The following LMBRD2 variants were observed in gnomAD, a reference collection of about 807,000 sequenced individuals.
LMBRD2 encodes G protein-coupled receptor-associated protein LMBRD2.
Under a neutral mutation model 94.4 loss-of-function variants are expected in LMBRD2, and 55 were observed. The observed-to-expected ratio is 0.58, with a 90% CI of 0.47 to 0.73. LMBRD2 has a LOEUF of 0.73. Ranked by LOEUF, LMBRD2 falls within the 30% of genes least tolerant of loss-of-function variation. The pLI is 0.00. For missense variants in LMBRD2, 640 were observed against 831.9 expected (o/e 0.77, Z 2.84); for synonymous variants, 246 against 272.4 (o/e 0.90, Z 0.95).
chr5:36,149,841 A>C (rs1370713154), intron 1 of LMBRD2, among the ~76,000 whole-genome samples: 2 of 152,192 alleles, frequency 1.3e-5, no homozygotes, highest in African/African-American at 4.8e-5. Context: ...TGGGAGGTGG[A>C]GGTTATGGTG....
At chr5:36,109,916 C>A in intron 15 of LMBRD2, 29 bp downstream of exon 15, 2 of 1,492,080 alleles carry the variant, frequency 1.3e-6, no homozygotes, top group Non-Finnish European at 9.2e-7. Flanking sequence ...AATTAATCTT[C>A]AGATTACAGA....
rs2432206 is a variant in LMBRD2 at position 36,130,051 on chromosome 5, C to T, written c.748-5786G>A. Among the ~76,000 whole-genome samples the T allele has an allele frequency of 3.6e-4, 55 of 151,624 alleles. 1 individual carries two copies. In the South Asian group the frequency reaches 8.7e-3, roughly 24 times the overall value. On this transcript the variant is annotated intron_variant, in intron 6 of 17. Transcript: ENST00000296603. ...AGGGTCTGTTGTAGGGTGGCGGGAG[C>T]GGGGAGGGATAGCATTAGGAGATAT...
chr5:36,120,808 G>A (rs1335816643), intron 9 of LMBRD2, among the ~76,000 whole-genome samples: 1 of 151,992 alleles, frequency 6.6e-6, no homozygotes, highest in East Asian at 1.9e-4. Flanking sequence ...CTTAATCTAT[G>A]TGCAACATTT....
intron 13 of LMBRD2, among the ~76,000 whole-genome samples, chr5:36,112,179 T>G (rs1460801427): frequency 6.6e-6 from 1 of 152,208 alleles, no homozygotes. Context: ...ACTTGTTTCA[T>G]TCATATAAAA....
In LMBRD2 at chr5:36,137,414, A is replaced by G. The variant is rs768694670; in HGVS notation, c.396T>C (p.Tyr132=). ...TGATGGAAAACCCTCCTGATCTTGCATATGACTGCATAAAAGGTAAGAGAA... is the reference window on the plus strand; with the variant it reads ...TGATGGAAAACCCTCCTGATCTTGCGTATGACTGCATAAAAGGTAAGAGAA... ...TWILLPFMQS[Y]ARSGGFSITG... is the part of the protein sequence containing the mutation. Residue 132 remains tyrosine, a synonymous_variant, in exon 5 of 18, where the codon TAT becomes TAC. Transcript: ENST00000296603. The G allele has an allele frequency of 8.2e-6, 13 of 1,583,250 alleles. No homozygotes were observed. The South Asian group carries it at 1.5e-4, about 18-fold the overall frequency.
At chr5:36,124,382 T>A (rs911413543) in intron 6 of LMBRD2, 117 bp from the exon 7 acceptor site, 13 of 570,524 alleles carry the variant, frequency 2.3e-5, no homozygotes, top group Middle Eastern at 5.9e-4. Context: ...CACAAATTAC[T>A]TTGCATTACA....
At chr5:36,113,578 C>T (rs1161093479) in intron 13 of LMBRD2, among the ~76,000 whole-genome samples, 1 of 152,010 alleles carries the variant, frequency 6.6e-6, no homozygotes, top group Non-Finnish European at 1.5e-5. Context: ...TAAACAATAT[C>T]TGTTTACTCA....
chr5:36,113,282 C>G (rs1311380447), intron 13 of LMBRD2, among the ~76,000 whole-genome samples: 1 of 152,096 alleles, frequency 6.6e-6, no homozygotes, highest in Admixed American at 6.5e-5. Flanking sequence ...AGCCCCCAGT[C>G]ACGTACCCCC....
rs1050695835 is a variant in LMBRD2, at chr5:36,100,452, T to A, written c.*3594A>T. The A allele has an allele frequency of 2.0e-5, 3 of 151,810 alleles. No homozygotes were observed. Among genetic ancestry groups the A allele is most frequent in the Admixed American group, 6.6e-5 (1 of 15,214 alleles). 9.4% of individuals were successfully genotyped at this position (151,810 alleles called of 1,614,324 possible). A position where few individuals can be genotyped will look rare whatever the true frequency, so the allele number is the denominator to read the frequency against. ...TAGTTCCTTCTGAGCGTACCACTCA[T>A]CAAAAACAACTCTGTACACAAAACA... On this transcript the variant is annotated 3_prime_UTR_variant, in exon 18 of 18. Coordinates refer to ENST00000296603, the MANE Select transcript of LMBRD2 (RefSeq NM_001007527.2).
chr5:36,111,663 C>T (rs1327887402), intron 13 of LMBRD2, among the ~76,000 whole-genome samples: 1 of 151,952 alleles, frequency 6.6e-6, no homozygotes, highest in Non-Finnish European at 1.5e-5. Context: ...CTGAAGACTA[C>T]TACCTTATAT....
At chr5:36,136,561 A>G (rs769740763) in intron 5 of LMBRD2, 42 bp from the exon 6 acceptor site, 1 of 1,557,278 alleles carries the variant, frequency 6.4e-7, no homozygotes, top group South Asian at 1.1e-5. Flanking sequence ...ATTTTAATGG[A>G]AAGATAAAAT....
At chr5:36,147,061 C>G (rs559322387) in intron 1 of LMBRD2, among the ~76,000 whole-genome samples, 1 of 151,934 alleles carries the variant, frequency 6.6e-6, no homozygotes, top group Non-Finnish European at 1.5e-5. Context: ...CAGGGCTTAT[C>G]TGATTACACT....
chr5:36,139,724 G>A (rs985397840), intron 4 of LMBRD2, among the ~76,000 whole-genome samples: 1 of 152,160 alleles, frequency 6.6e-6, no homozygotes, highest in Non-Finnish European at 1.5e-5. Flanking sequence ...GGGATAACCT[G>A]CCTGCAGATA....
chr5:36,143,693 A>G (rs1744472189), intron 1 of LMBRD2, among the ~76,000 whole-genome samples: 1 of 152,174 alleles, frequency 6.6e-6, no homozygotes, highest in Non-Finnish European at 1.5e-5. Flanking sequence ...CTTATTTTAG[A>G]TGTGAACAGT....
intron 16 of LMBRD2, among the ~76,000 whole-genome samples, chr5:36,106,556 CTGGAGT>C (rs1743476671): frequency 7.3e-6 from 1 of 136,372 alleles, no homozygotes; most frequent in Non-Finnish European, 1.5e-5. Context: ...GTTGCCCAGG[CTGGAGT>C]GCAGTGACAT....
intron 16 of LMBRD2, 84 bp from the exon 17 acceptor site, chr5:36,105,281 A>G (rs764000415): frequency 8.0e-7 from 1 of 1,254,834 alleles, no homozygotes; most frequent in African/African-American, 1.5e-5. Context: ...AGAAAGAAAA[A>G]TCAAAATTCC....
chr5:36,110,388 C>G (rs1279304854), intron 14 of LMBRD2, among the ~76,000 whole-genome samples: 1 of 151,804 alleles, frequency 6.6e-6, no homozygotes, highest in African/African-American at 2.4e-5. Context: ...TTTTTTCCCC[C>G]AGGATATGCC....
rs1158702612 is a variant in LMBRD2 at position 36,101,182 on chromosome 5, T to G, written c.*2864A>C. ...GTATTCATTTGGTAAGAGAGCAAAT[T>G]TTAATAATTAAACTTATTCTTTCTT... On this transcript the variant is annotated 3_prime_UTR_variant, in exon 18 of 18. Coordinates refer to ENST00000296603, the MANE Select transcript of LMBRD2 (RefSeq NM_001007527.2). 6.6e-6 allele frequency: 1 copy of G among 152,002 alleles called. No homozygotes were observed. The highest frequency in any genetic ancestry group is 2.4e-5 in the African/African-American group (1 of 41,446). 9.4% of individuals were successfully genotyped at this position (152,002 alleles called of 1,614,324 possible).
chr5:36,110,390 G>T (rs188303577), intron 14 of LMBRD2, among the ~76,000 whole-genome samples: 6 of 151,780 alleles, frequency 4.0e-5, no homozygotes. Flanking sequence ...TTTTCCCCCA[G>T]GATATGCCCT....
Sources: gnomAD v4.1 joint callset for allele counts (sites outside exome capture counted in the v4.1 genomes callset) on GRCh38, gnomAD v4.1.1 for gene constraint, MANE v1.5 for transcripts, NCBI Gene and HGNC (gene_info 2026-07-23, HGNC 2026-07-21) for gene names.